Variants in CNTNAP2 observed in about 807,000 individuals in gnomAD.
CNTNAP2 encodes the protein contactin associated protein 2.
In CNTNAP2, 98 loss-of-function variants were observed where a neutral mutation model predicts 155.2. That is an observed-to-expected ratio of 0.63 (90% CI 0.54 to 0.75). CNTNAP2 has a LOEUF of 0.75. CNTNAP2 is among the 30% of genes least tolerant of loss of function. CNTNAP2 has a pLI of 0.00. For synonymous variants in CNTNAP2, 651 were observed against 631.2 expected (o/e 1.03, Z -0.47); for missense variants, 1,727 against 1,688.1 (o/e 1.02, Z -0.40).
chr7:146,383,676 C>T (rs892138495), intron 1 of CNTNAP2, among the ~76,000 whole-genome samples: 2 of 152,052 alleles, frequency 1.3e-5, no homozygotes, highest in African/African-American at 4.8e-5. Flanking sequence ...TGGTATATTT[C>T]TTATTTCTTC....
intron 1 of CNTNAP2, among the ~76,000 whole-genome samples, chr7:146,515,928 A>C (rs1281403734): frequency 6.6e-5 from 10 of 152,106 alleles, no homozygotes; most frequent in Non-Finnish European, 1.5e-5. Context: ...TATGTCAGTA[A>C]AATTGCTGTA....
chr7:146,578,456 A>C (rs189465759), intron 1 of CNTNAP2, among the ~76,000 whole-genome samples: 3 of 152,196 alleles, frequency 2.0e-5, no homozygotes, highest in Non-Finnish European at 2.9e-5. Flanking sequence ...ACTAACATAC[A>C]TAAGAATATT....
intron 9 of CNTNAP2, among the ~76,000 whole-genome samples, chr7:147,326,089 A>G (rs540220762): frequency 5.9e-4 from 89 of 152,106 alleles, no homozygotes; most frequent in African/African-American, 2.1e-3. Context: ...CACCCGGCTA[A>G]TTGCTTTTGT....
In CNTNAP2 at chr7:147,121,200, A is replaced by C. The variant is rs1304459000; in HGVS notation, c.939+37A>C. 1.9e-6 allele frequency: 3 copies of C among 1,595,592 alleles called. No homozygotes were observed. The African/African-American group carries it at 4.0e-5, about 21-fold the overall frequency. ...GACGTAGAAATTGTAATAAAATGTC[A>C]AGCAATTGTGTCACTCTCCTACTGT... On this transcript the variant is annotated intron_variant, in intron 6 of 23. Coordinates refer to ENST00000361727, the MANE Select transcript of CNTNAP2 (RefSeq NM_014141.6).
intron 1 of CNTNAP2, among the ~76,000 whole-genome samples, chr7:146,359,322 A>C (rs1795048434): frequency 6.6e-6 from 1 of 152,252 alleles, no homozygotes; most frequent in Non-Finnish European, 1.5e-5. Context: ...ATATGAAGAC[A>C]TGAATCAAGT....
At chr7:147,924,123 T>TTCTTC (rs1800337122) in intron 14 of CNTNAP2, among the ~76,000 whole-genome samples, 1 of 125,250 alleles carries the variant, frequency 8.0e-6, no homozygotes. Context: ...TCTAAGCACT[T>TTCTTC]TTTTCTTTTC....
chr7:146,981,347 T>C (rs1404197139), intron 3 of CNTNAP2, among the ~76,000 whole-genome samples: 1 of 152,166 alleles, frequency 6.6e-6, no homozygotes, highest in East Asian at 1.9e-4. Context: ...ATGAGAACAG[T>C]AGAAAACAAG....
intron 9 of CNTNAP2, among the ~76,000 whole-genome samples, chr7:147,365,383 GAAAAAAAAA>G (rs10557373): frequency 6.4e-5 from 6 of 93,652 alleles, no homozygotes; most frequent in African/African-American, 2.2e-4. Context: ...ATCTCAAAAA[GAAAAAAAAA>G]AAAAAAAAAA....
intron 8 of CNTNAP2, among the ~76,000 whole-genome samples, chr7:147,140,487 T>C (rs562675847): frequency 1.5e-4 from 23 of 152,214 alleles, no homozygotes; most frequent in African/African-American, 4.6e-4. Flanking sequence ...CCTATGAATA[T>C]TGCTTACCCT....
intron 8 of CNTNAP2, among the ~76,000 whole-genome samples, chr7:147,222,280 T>G (rs552064922): frequency 6.6e-6 from 1 of 152,270 alleles, no homozygotes; most frequent in South Asian, 2.1e-4. Context: ...TTTTCAGTTT[T>G]TATTCTTTAT....
intron 14 of CNTNAP2, among the ~76,000 whole-genome samples, chr7:147,904,799 T>C (rs893620013): frequency 6.6e-6 from 1 of 152,224 alleles, no homozygotes; most frequent in Admixed American, 6.5e-5. Flanking sequence ...TGTATATGTG[T>C]GTAAAATACT....
chr7:147,014,107 C>G (rs1798676350), intron 3 of CNTNAP2, among the ~76,000 whole-genome samples: 1 of 152,156 alleles, frequency 6.6e-6, no homozygotes, highest in African/African-American at 2.4e-5. Flanking sequence ...TTCTGGCACT[C>G]AGCCCTTAGA....
chr7:146,896,276 T>C (rs1795874882), intron 3 of CNTNAP2, among the ~76,000 whole-genome samples: 1 of 152,102 alleles, frequency 6.6e-6, no homozygotes, highest in African/African-American at 2.4e-5. Flanking sequence ...CAAACTTGCA[T>C]ACACCCTTTT....
chr7:146,476,223 GA>G (rs1453313421), intron 1 of CNTNAP2, among the ~76,000 whole-genome samples: 1 of 151,960 alleles, frequency 6.6e-6, no homozygotes, highest in African/African-American at 2.4e-5. Context: ...TTAGTTACAA[GA>G]ACAAATTTAG....
intron 1 of CNTNAP2, among the ~76,000 whole-genome samples, chr7:146,223,604 T>C (rs1799243793): frequency 6.6e-6 from 1 of 152,198 alleles, no homozygotes; most frequent in African/African-American, 2.4e-5. Flanking sequence ...AAGATACAGC[T>C]CTGGCAATCT....
chr7:146,994,675 T>C (rs1372860467), intron 3 of CNTNAP2, among the ~76,000 whole-genome samples: 1 of 152,096 alleles, frequency 6.6e-6, no homozygotes, highest in African/African-American at 2.4e-5. Context: ...AATACTCAAT[T>C]GTAAAATGGC....
intron 13 of CNTNAP2, among the ~76,000 whole-genome samples, chr7:147,866,757 T>TG (rs1554443338): frequency 1.1e-5 from 1 of 88,064 alleles, no homozygotes; most frequent in Non-Finnish European, 2.5e-5. Flanking sequence ...CCTGTTTTTT[T>TG]TTTGTTTTTT....
At position 147,354,936 on chromosome 7, in the gene CNTNAP2, T is replaced by C. The variant is rs1451070257; in HGVS notation, c.1499-40673T>C. Among the ~76,000 whole-genome samples, 4 of 152,218 alleles carry C rather than the reference T, an allele frequency of 2.6e-5. No individual in the cohort carries two copies. In the South Asian group the frequency reaches 6.2e-4, roughly 24 times the overall value. On this transcript the variant is annotated intron_variant, in intron 9 of 23. Transcript: ENST00000361727. The stretch of plus-strand genomic sequence containing the variant: ...GTTTGCTCATGATTTGGCTCTCTGA[T>C]TGTCTATTATTGGTATATAGAAATG...
At chr7:147,773,929 T>C (rs758788630) in intron 13 of CNTNAP2, among the ~76,000 whole-genome samples, 4 of 152,122 alleles carry the variant, frequency 2.6e-5, no homozygotes, top group Non-Finnish European at 5.9e-5. Context: ...TAACTTTCAT[T>C]TACTGTGTTC....
Sources: allele counts gnomAD v4.1 joint callset (sites outside exome capture counted in the v4.1 genomes callset), GRCh38; gene constraint gnomAD v4.1.1; transcripts MANE v1.5; gene names NCBI Gene and HGNC (gene_info 2026-07-23, HGNC 2026-07-21).